Variants in PTCHD4 observed in about 807,000 individuals in gnomAD.
The protein encoded by PTCHD4 is patched domain containing 4.
PTCHD4 carries 33 observed loss-of-function variants against 58.1 expected under a neutral mutation model. The observed-to-expected ratio is 0.57, with a 90% CI of 0.43 to 0.76. The LOEUF (loss-of-function observed/expected upper bound fraction) is 0.76, where lower values mean the gene tolerates loss of function less well. Ranked by LOEUF, PTCHD4 falls within the 30% of genes least tolerant of loss-of-function variation. The probability of loss-of-function intolerance (pLI) is 0.00; values close to 1 mark genes in which losing one functional copy is unlikely to be tolerated. For missense variants in PTCHD4, 1,058 were observed against 1,027.1 expected (o/e 1.03, Z -0.41); for synonymous variants, 478 against 409.6 (o/e 1.17, Z -2.02).
intron 1 of PTCHD4, among the ~76,000 whole-genome samples, chr6:48,099,512 A>C (rs764661205): frequency 6.6e-6 from 1 of 152,230 alleles, no homozygotes; most frequent in African/African-American, 2.4e-5. Flanking sequence ...AGCCTTTGAA[A>C]TGGAAATATA....
Position 47,869,615 on chromosome 6 carries a change from C to A in PTCHD4, c.*8688G>T, listed in dbSNP as rs1177138635. 6.6e-6 allele frequency among the ~76,000 whole-genome samples: 1 copy of A among 151,410 alleles called. No individual in the cohort carries two copies. The highest frequency in any genetic ancestry group is 2.4e-5 in the African/African-American group (1 of 41,296). ...TTCATAAAAATATCTCTCAGGAATG[C>A]CAAGACATTTTGTATTTGCTTCAGA... On this transcript the variant is annotated 3_prime_UTR_variant, in exon 5 of 5. Coordinates refer to ENST00000339488, the MANE Select transcript of PTCHD4 (RefSeq NM_001384253.1).
chr6:47,879,362 T>C lies in PTCHD4; in HGVS notation c.1473A>G (p.Leu491=). 1 of 1,613,452 alleles carries C rather than the reference T, an allele frequency of 6.2e-7. No homozygotes were observed. The highest frequency in any genetic ancestry group is 8.5e-7 in the Non-Finnish European group (1 of 1,179,696). The change falls in exon 5 of 5, where the codon CTA becomes CTG. Residue 491 remains leucine (L), a synonymous_variant. Coordinates refer to ENST00000339488, the MANE Select transcript of PTCHD4 (RefSeq NM_001384253.1). ...AAACACTTGGCGAATCACTGGCTAG[T>C]AGATTGATGATGTTGGCTCCGTCAC... ...QISDGANIIN[L]LASDSPSVSY...
chr6:47,958,606 T>C (rs145824912), intron 4 of PTCHD4, among the ~76,000 whole-genome samples: 73 of 152,238 alleles, frequency 4.8e-4, no homozygotes, highest in Non-Finnish European at 9.3e-4. Flanking sequence ...CTCAAGTGGA[T>C]AGAGCTCACA....
intron 1 of PTCHD4, among the ~76,000 whole-genome samples, chr6:48,101,991 C>A (rs963576866): frequency 6.6e-5 from 10 of 152,186 alleles, no homozygotes; most frequent in Non-Finnish European, 1.2e-4. Context: ...TCCCACCAAA[C>A]TTCAGGTCAT....
At chr6:47,938,164 A>G (rs920656060) in intron 4 of PTCHD4, among the ~76,000 whole-genome samples, 3 of 152,186 alleles carry the variant, frequency 2.0e-5, no homozygotes, top group Admixed American at 1.3e-4. Context: ...AAAAAAGAAA[A>G]AGAAATAAAA....
rs777035614 is a variant in PTCHD4 at position 47,874,191 on chromosome 6, C to T, written c.*4112G>A. The stretch of plus-strand genomic sequence containing the variant: ...GCCAGATTTCACTTCTGAGATTTTC[C>T]GAAGTCCATTCTAGAAGAGGTGGTT... On this transcript the variant is annotated 3_prime_UTR_variant, in exon 5 of 5. Coordinates refer to ENST00000339488, the MANE Select transcript of PTCHD4 (RefSeq NM_001384253.1). 4.6e-5 allele frequency among the ~76,000 whole-genome samples: 7 copies of T among 151,666 alleles called. No homozygotes were observed. The highest frequency in any genetic ancestry group is 3.0e-5 in the Non-Finnish European group (2 of 67,782).
intron 4 of PTCHD4, among the ~76,000 whole-genome samples, chr6:47,999,993 T>C (rs1696531969): frequency 6.6e-6 from 1 of 152,210 alleles, no homozygotes; most frequent in Admixed American, 6.5e-5. Flanking sequence ...TGCTGTTGGC[T>C]AGCCAATAGA....
chr6:48,000,284 C>T (rs1384661876), intron 4 of PTCHD4, among the ~76,000 whole-genome samples: 11 of 152,144 alleles, frequency 7.2e-5, no homozygotes, highest in Admixed American at 2.6e-4. Context: ...GTCTAGCTGA[C>T]CCTGACCCGC....
rs186442984 is a variant in PTCHD4, at chr6:48,106,026, G to A, written c.-970+5023C>T. ...CAGCCAAATTCTACCATAGGTAGAA[G>A]GAGGAGCTGGTACCGTTCCTTCTGA... On this transcript the variant is annotated intron_variant, in intron 1 of 4. Transcript: ENST00000339488. Among the ~76,000 whole-genome samples, 556 of 152,238 alleles carry A rather than the reference G, an allele frequency of 3.7e-3. 1 individual carries two copies. Among genetic ancestry groups the A allele is most frequent in the Middle Eastern group, 0.024 (7 of 294 alleles).
At chr6:48,070,123 TTGTGTGTGTGTGTGTGTGTGTG>T (rs66484270) in intron 1 of PTCHD4, among the ~76,000 whole-genome samples, 197 bp from the exon 2 acceptor site, 1 of 146,626 alleles carries the variant, frequency 6.8e-6, no homozygotes, top group Non-Finnish European at 1.5e-5. Context: ...AAGTGTGTGT[TTGTGTGTGTGTGTGTGTGTGTG>T]TGTGTGTGTG....
intron 4 of PTCHD4, among the ~76,000 whole-genome samples, chr6:47,998,583 G>A (rs994671308): frequency 6.6e-6 from 1 of 152,152 alleles, no homozygotes; most frequent in Non-Finnish European, 1.5e-5. Flanking sequence ...AGAGACGGAG[G>A]TGGATTCCAA....
At chr6:48,005,351 A>C (rs1485168182) in intron 4 of PTCHD4, among the ~76,000 whole-genome samples, 13 of 152,198 alleles carry the variant, frequency 8.5e-5, no homozygotes, top group Non-Finnish European at 1.6e-4. Context: ...TCACTATCTC[A>C]AAGAAGTCAT....
At chr6:48,077,797 G>C (rs1318358102) in intron 1 of PTCHD4, among the ~76,000 whole-genome samples, 2 of 152,296 alleles carry the variant, frequency 1.3e-5, no homozygotes, top group Non-Finnish European at 2.9e-5. Context: ...CTGGTTGGTG[G>C]AGCATTCAGA....
chr6:47,913,265 A>G (rs1413398483), intron 4 of PTCHD4, among the ~76,000 whole-genome samples: 1 of 152,076 alleles, frequency 6.6e-6, no homozygotes, highest in East Asian at 1.9e-4. Flanking sequence ...TTATAATGAC[A>G]GTGTCCCAGT....
chr6:48,101,168 C>T (rs1156777442), intron 1 of PTCHD4, among the ~76,000 whole-genome samples: 1 of 151,804 alleles, frequency 6.6e-6, no homozygotes, highest in Non-Finnish European at 1.5e-5. Flanking sequence ...AAATGATACA[C>T]TGTTTAAAAA....
At chr6:48,012,597 C>G (rs1051467165) in intron 3 of PTCHD4, among the ~76,000 whole-genome samples, 6 of 152,128 alleles carry the variant, frequency 3.9e-5, no homozygotes, top group African/African-American at 1.4e-4. Context: ...CTGGCCAGAA[C>G]TTCCAATACT....
At chr6:47,929,980 C>T (rs985206998) in intron 4 of PTCHD4, among the ~76,000 whole-genome samples, 1 of 152,212 alleles carries the variant, frequency 6.6e-6, no homozygotes, top group African/African-American at 2.4e-5. Flanking sequence ...TTTTACATGA[C>T]AAAATGCATA....
At position 47,988,340 on chromosome 6, in the gene PTCHD4, G is replaced by A. The variant is rs570234283; in HGVS notation, c.898+20294C>T. On this transcript the variant is annotated intron_variant, in intron 4 of 4. Coordinates refer to ENST00000339488, the MANE Select transcript of PTCHD4 (RefSeq NM_001384253.1). ...TCTGAAAACACCCATACAATTTTTT[G>A]CAAAAATAGTGACTATCACATACTT... 2.8e-4 allele frequency among the ~76,000 whole-genome samples: 42 copies of A among 152,042 alleles called. No individual in the cohort carries two copies. In the South Asian group the frequency reaches 8.1e-3, roughly 29 times the overall value.
chr6:48,011,230 T>C (rs1308825732), intron 3 of PTCHD4, among the ~76,000 whole-genome samples: 8 of 152,134 alleles, frequency 5.3e-5, no homozygotes, highest in Admixed American at 5.2e-4. Context: ...CCACATCCTC[T>C]CCAGCATCTG....
Sources: gnomAD v4.1 joint callset for allele counts (sites outside exome capture counted in the v4.1 genomes callset) on GRCh38, gnomAD v4.1.1 for gene constraint, MANE v1.5 for transcripts, NCBI Gene and HGNC (gene_info 2026-07-23, HGNC 2026-07-21) for gene names.